PPFIA2: variants seen among roughly 807,000 people sequenced by gnomAD.
PPFIA2 encodes the protein liprin-alpha-2.
PPFIA2 carries 46 observed loss-of-function variants against 175.5 expected under a neutral mutation model. That is an observed-to-expected ratio of 0.26 (90% CI 0.21 to 0.34). PPFIA2 has a LOEUF of 0.34. PPFIA2 is among the 10% of genes least tolerant of loss of function. PPFIA2 has a pLI of 1.00. For synonymous variants in PPFIA2, 568 were observed against 511.4 expected (o/e 1.11, Z -1.49); for missense variants, 1,179 against 1,506.1 (o/e 0.78, Z 3.60).
At chr12:81,630,881 C>CTA (rs67242917) in intron 4 of PPFIA2, among the ~76,000 whole-genome samples, 54 of 140,662 alleles carry the variant, frequency 3.8e-4, no homozygotes, top group South Asian at 1.1e-3. Flanking sequence ...TATGGAAAGG[C>CTA]TATATATATA....
At chr12:81,404,226 T>C (rs2042539935) in intron 8 of PPFIA2, among the ~76,000 whole-genome samples, 1 of 152,178 alleles carries the variant, frequency 6.6e-6, no homozygotes, top group Non-Finnish European at 1.5e-5. Context: ...CTGAAGTTGT[T>C]CATGTCTGAG....
chr12:81,753,206 A>T (rs2084103546), intron 3 of PPFIA2, among the ~76,000 whole-genome samples: 1 of 152,158 alleles, frequency 6.6e-6, no homozygotes, highest in Non-Finnish European at 1.5e-5. Flanking sequence ...AAGTGCTAGG[A>T]TTACAGGCCT....
intron 4 of PPFIA2, among the ~76,000 whole-genome samples, chr12:81,543,794 C>T (rs1362813464): frequency 6.6e-6 from 1 of 152,118 alleles, no homozygotes; most frequent in Non-Finnish European, 1.5e-5. Context: ...ATGTACTCTT[C>T]ATATGATGTG....
chr12:81,316,444 C>G (rs753522796), intron 22 of PPFIA2, among the ~76,000 whole-genome samples: 14 of 151,528 alleles, frequency 9.2e-5, no homozygotes, highest in Non-Finnish European at 2.1e-4. Context: ...CTATTAGACA[C>G]TCTCTTGTAA....
intron 7 of PPFIA2, among the ~76,000 whole-genome samples, chr12:81,439,375 G>A (rs2049726040): frequency 6.6e-6 from 1 of 151,396 alleles, no homozygotes; most frequent in African/African-American, 2.4e-5. Flanking sequence ...ACAAATTTAT[G>A]TACTCTCTAT....
At chr12:81,356,678 A>G (rs905933639) in intron 16 of PPFIA2, among the ~76,000 whole-genome samples, 1 of 152,154 alleles carries the variant, frequency 6.6e-6, no homozygotes, top group African/African-American at 2.4e-5. Context: ...AATAAAAAAA[A>G]AGAAATATTG....
intron 3 of PPFIA2, among the ~76,000 whole-genome samples, chr12:81,708,096 G>T (rs1381590767): frequency 2.0e-5 from 3 of 150,426 alleles, no homozygotes; most frequent in Non-Finnish European, 4.4e-5. Flanking sequence ...TGGGTGCAGC[G>T]CACCAGCATG....
At chr12:81,661,174 C>T (rs1216275655) in intron 4 of PPFIA2, among the ~76,000 whole-genome samples, 3 of 152,148 alleles carry the variant, frequency 2.0e-5, no homozygotes. Flanking sequence ...ATCATAATGA[C>T]AGGATCAAAT....
intron 22 of PPFIA2, among the ~76,000 whole-genome samples, chr12:81,318,103 G>A (rs545401256): frequency 2.0e-5 from 3 of 151,726 alleles, no homozygotes; most frequent in South Asian, 2.1e-4. Context: ...TAAAGAACAC[G>A]TTTGGTTGTT....
intron 18 of PPFIA2, among the ~76,000 whole-genome samples, chr12:81,345,147 A>G (rs2058829122): frequency 6.6e-6 from 1 of 152,148 alleles, no homozygotes; most frequent in Non-Finnish European, 1.5e-5. Context: ...CTTTGGGCAG[A>G]TGTGCTGTTC....
intron 4 of PPFIA2, among the ~76,000 whole-genome samples, chr12:81,663,097 T>C (rs576964412): frequency 1.3e-5 from 2 of 149,810 alleles, no homozygotes; most frequent in South Asian, 2.1e-4. Context: ...GCCAATATCA[T>C]ACTGGAAGGC....
intron 4 of PPFIA2, among the ~76,000 whole-genome samples, chr12:81,462,591 T>C (rs1287197000): frequency 1.4e-5 from 2 of 142,512 alleles, no homozygotes; most frequent in Admixed American, 7.2e-5. Flanking sequence ...TATACATATA[T>C]ATATATATAT....
Position 81,347,635 on chromosome 12 carries a change from A to C in PPFIA2, c.2130T>G (p.Ala710=), listed in dbSNP as rs1232411287. Residue 710 remains alanine (A), a synonymous_variant, in exon 18 of 33, where the codon GCT becomes GCG. Coordinates refer to ENST00000549396, the MANE Select transcript of PPFIA2 (RefSeq NM_003625.5). ...GGGGAGATGAACTGGCCAGCGATGA[A>C]GCTGTAACAGAGGCAGTAATGGAGG... ...PGTSITASVT[A]SSLASSSPPS... 1 of 1,613,784 alleles carries C rather than the reference A, an allele frequency of 6.2e-7. No individual in the cohort carries two copies. The highest frequency in any genetic ancestry group is 1.3e-5 in the African/African-American group (1 of 75,012).
intron 4 of PPFIA2, among the ~76,000 whole-genome samples, chr12:81,637,249 T>A (rs1382469738): frequency 3.1e-4 from 8 of 25,916 alleles, no homozygotes; most frequent in African/African-American, 7.7e-4. Context: ...TTTTTTTTTT[T>A]TTTTTTTTTT....
chr12:81,667,293 T>C (rs930531054), intron 4 of PPFIA2, among the ~76,000 whole-genome samples: 2 of 152,142 alleles, frequency 1.3e-5, no homozygotes, highest in Non-Finnish European at 2.9e-5. Flanking sequence ...ATCATCACTT[T>C]ACCTCAACGA....
intron 7 of PPFIA2, among the ~76,000 whole-genome samples, chr12:81,421,012 T>C (rs921129425): frequency 1.3e-5 from 2 of 152,146 alleles, no homozygotes; most frequent in African/African-American, 2.4e-5. Context: ...AGTGGGATGA[T>C]ATATTCAAAG....
At chr12:81,354,621 A>G (rs948276735) in intron 16 of PPFIA2, among the ~76,000 whole-genome samples, 5 of 151,758 alleles carry the variant, frequency 3.3e-5, no homozygotes, top group Admixed American at 6.6e-5. Flanking sequence ...GGTTAAAATC[A>G]ATGTCTTCTT....
chr12:81,283,027 C>T lies in PPFIA2; in HGVS notation c.3001G>A (p.Glu1001Lys). Residue 1001 changes from glutamate to lysine, a missense_variant, in exon 26 of 33, where the codon GAA (glutamate) becomes AAA (lysine). Physicochemically the swap from Glu to Lys is moderately conservative, Grantham distance 56. Coordinates refer to ENST00000549396, the MANE Select transcript of PPFIA2 (RefSeq NM_003625.5). ...TCTCCTACCTGGGCCCAGCTTCCTT[C>T]CTCAGATTCTTTCTGTGTTAGCAGC... ...AAPAKTKESE[E>K]GSWAQCPVFL... 1 of 1,612,006 alleles carries T rather than the reference C, an allele frequency of 6.2e-7. No individual in the cohort carries two copies. The highest frequency in any genetic ancestry group is 8.5e-7 in the Non-Finnish European group (1 of 1,178,638).
At chr12:81,703,236 T>C (rs1210109249) in intron 3 of PPFIA2, among the ~76,000 whole-genome samples, 3 of 152,156 alleles carry the variant, frequency 2.0e-5, no homozygotes, top group Admixed American at 6.5e-5. Context: ...TAGCAATCTG[T>C]TTATCAGACA....
Sources: allele counts gnomAD v4.1 joint callset (sites outside exome capture counted in the v4.1 genomes callset), GRCh38; gene constraint gnomAD v4.1.1; transcripts MANE v1.5; gene names NCBI Gene and HGNC (gene_info 2026-07-23, HGNC 2026-07-21).